Variants in POC1B observed in about 807,000 individuals in gnomAD.
The protein encoded by POC1B is POC1 centriolar protein B.
A neutral mutation model predicts 60.6 loss-of-function variants in POC1B; 44 were observed. That is an observed-to-expected ratio of 0.73 (90% CI 0.57 to 0.93). The LOEUF (loss-of-function observed/expected upper bound fraction) is 0.93. POC1B is among the 40% of genes least tolerant of loss of function. The probability of loss-of-function intolerance (pLI) is 0.00; values close to 1 mark genes in which losing one functional copy is unlikely to be tolerated. For missense variants in POC1B, 555 were observed against 572.3 expected (o/e 0.97, Z 0.31); for synonymous variants, 180 against 198.9 (o/e 0.90, Z 0.80).
intron 2 of POC1B, 61 bp from the exon 3 acceptor site, chr12:89,497,403 A>G: frequency 1.3e-6 from 2 of 1,507,420 alleles, no homozygotes; most frequent in Admixed American, 1.8e-5. Flanking sequence ...GGTGTGTCTC[A>G]TTACAATGAG....
rs1334395819 is a variant in POC1B at position 89,420,080 on chromosome 12, T to C, written c.*1073A>G. 3.3e-5 allele frequency: 5 copies of C among 152,208 alleles called. No individual in the cohort carries two copies. The highest frequency in any genetic ancestry group is 7.4e-5 in the Non-Finnish European group (5 of 68,022). 9.4% of individuals were successfully genotyped at this position (152,208 alleles called of 1,614,324 possible). Reference sequence around the variant, plus strand: ...ATGTGGACACCTCCTCCCATTTTTGTTCTTGATACAGGTTGATAATCAAGC... The same window carrying C: ...ATGTGGACACCTCCTCCCATTTTTGCTCTTGATACAGGTTGATAATCAAGC... On this transcript the variant is annotated 3_prime_UTR_variant, in exon 12 of 12. Coordinates refer to ENST00000313546, the MANE Select transcript of POC1B (RefSeq NM_172240.3).
Position 89,478,195 on chromosome 12 carries a change from C to T in POC1B, c.453-5920G>A, listed in dbSNP as rs185999362. Among the ~76,000 whole-genome samples, 650 of 152,262 alleles carry T rather than the reference C, an allele frequency of 4.3e-3. 5 individuals are homozygous for T. Among genetic ancestry groups the T allele is most frequent in the African/African-American group, 0.015 (623 of 41,544 alleles). ...CGGGATCTTAGCTCACTGCGACCTC[C>T]GCCTCCTGGGTTCAAGCGATTCTCA... On this transcript the variant is annotated intron_variant, in intron 4 of 11. Transcript: ENST00000313546.
At chr12:89,419,714 C>T (rs2120622584), downstream of POC1B, 1 of 152,276 alleles carries the variant, frequency 6.6e-6, no homozygotes, top group South Asian at 2.1e-4. Flanking sequence ...AGAAAAGGAA[C>T]AACTTTTTCT....
At chr12:89,492,389 G>C (rs1869030023) in intron 3 of POC1B, among the ~76,000 whole-genome samples, 2 of 152,116 alleles carry the variant, frequency 1.3e-5, no homozygotes, top group South Asian at 4.1e-4. Flanking sequence ...TTGAGAAGTA[G>C]AAAACCTTAA....
At chr12:89,497,053 G>T (rs1869285266) in intron 3 of POC1B, 118 bp downstream of exon 3, 6 of 1,007,146 alleles carry the variant, frequency 6.0e-6, no homozygotes, top group Non-Finnish European at 8.6e-6. Flanking sequence ...AGGGCAGCAT[G>T]CCTTTTATGT....
chr12:89,464,625 T>A (rs1329958348), intron 9 of POC1B, among the ~76,000 whole-genome samples: 2 of 150,110 alleles, frequency 1.3e-5, no homozygotes, highest in African/African-American at 4.9e-5. Flanking sequence ...GTAGCTGGGA[T>A]TATAGGCACG....
intron 10 of POC1B, among the ~76,000 whole-genome samples, chr12:89,448,854 G>T (rs976611262): frequency 6.6e-6 from 1 of 152,154 alleles, no homozygotes; most frequent in Non-Finnish European, 1.5e-5. Flanking sequence ...TATGTACTTG[G>T]CAAGTAGGAA....
At chr12:89,478,505 C>T (rs923555051) in intron 4 of POC1B, among the ~76,000 whole-genome samples, 1 of 152,096 alleles carries the variant, frequency 6.6e-6, no homozygotes, top group Admixed American at 6.6e-5. Flanking sequence ...CTGTCTCACT[C>T]AATGCTCTAT....
intron 4 of POC1B, among the ~76,000 whole-genome samples, chr12:89,476,751 T>TAGATAGAC (rs1555183517): frequency 6.9e-4 from 72 of 105,022 alleles, no homozygotes; most frequent in African/African-American, 2.5e-3. Context: ...GATAGATAGA[T>TAGATAGAC]AGATAGATAG....
intron 10 of POC1B, among the ~76,000 whole-genome samples, chr12:89,454,820 C>T (rs1882188297): frequency 6.6e-6 from 1 of 152,170 alleles, no homozygotes; most frequent in Admixed American, 6.5e-5. Context: ...GTAGGCTTCT[C>T]TGGAGCAGGT....
At chr12:89,473,063 GACT>G (rs1882963530) in intron 4 of POC1B, among the ~76,000 whole-genome samples, 1 of 151,774 alleles carries the variant, frequency 6.6e-6, no homozygotes, top group African/African-American at 2.4e-5. Context: ...ACAAATTTTA[GACT>G]ATTAGAAAAC....
chr12:89,407,599 C>A, the POC1B span, among the ~76,000 whole-genome samples: 1 of 152,154 alleles, frequency 6.6e-6, no homozygotes, highest in Non-Finnish European at 1.5e-5. Context: ...CAAATCACTG[C>A]AGGGGCCAAA....
downstream of POC1B, among the ~76,000 whole-genome samples, chr12:89,418,695 C>T (rs1388195012): frequency 6.6e-6 from 1 of 152,078 alleles, no homozygotes; most frequent in Non-Finnish European, 1.5e-5. Context: ...TTAAAAAGAA[C>T]TTGGCACCAC....
chr12:89,496,910 G>T (rs957185037), intron 3 of POC1B: 5 of 397,042 alleles, frequency 1.3e-5, no homozygotes, highest in African/African-American at 4.0e-5. Context: ...TCTACAAAGG[G>T]ATGGATAGCT....
At chr12:89,452,734 CT>C (rs1191100572) in intron 10 of POC1B, among the ~76,000 whole-genome samples, 6 of 151,942 alleles carry the variant, frequency 3.9e-5, no homozygotes, top group African/African-American at 1.5e-4. Flanking sequence ...CACTGTTAAT[CT>C]TTTATTACGG....
chr12:89,475,307 C>T (rs150740052), intron 4 of POC1B, among the ~76,000 whole-genome samples: 3 of 152,098 alleles, frequency 2.0e-5, no homozygotes, highest in East Asian at 1.9e-4. Flanking sequence ...ATGTGAACCT[C>T]GAATGAGTTA....
intron 7 of POC1B, among the ~76,000 whole-genome samples, chr12:89,468,317 C>T (rs77147485): frequency 0.012 from 1,813 of 152,140 alleles, 36 homozygotes; most frequent in African/African-American, 0.042. Flanking sequence ...GCAGTTACTG[C>T]GGAGTTGGAC....
downstream of POC1B, among the ~76,000 whole-genome samples, chr12:89,415,654 A>AAT (rs928706607): frequency 3.5e-4 from 53 of 152,168 alleles, no homozygotes; most frequent in Middle Eastern, 3.4e-3. Flanking sequence ...AAAAAAAAAA[A>AAT]AATAATAAAG....
chr12:89,455,580 T>G (rs183097126), intron 10 of POC1B, among the ~76,000 whole-genome samples: 100 of 152,360 alleles, frequency 6.6e-4, no homozygotes, highest in South Asian at 4.3e-3. Flanking sequence ...GGTATCTCCC[T>G]CAGCATCTCA....
Sources: gnomAD v4.1 joint callset for allele counts (sites outside exome capture counted in the v4.1 genomes callset) on GRCh38, gnomAD v4.1.1 for gene constraint, MANE v1.5 for transcripts, NCBI Gene and HGNC (gene_info 2026-07-23, HGNC 2026-07-21) for gene names.